MGAT4C: variants seen among roughly 807,000 people sequenced by gnomAD.
The protein encoded by MGAT4C is alpha-1,3-mannosyl-glycoprotein 4-beta-N-acetylglucosaminyltransferase C.
Under a neutral mutation model 40.1 loss-of-function variants are expected in MGAT4C, and 19 were observed. The observed-to-expected ratio is 0.47, with a 90% CI of 0.33 to 0.70. MGAT4C has a LOEUF of 0.70. Ranked by LOEUF, MGAT4C falls within the 30% of genes least tolerant of loss-of-function variation. The pLI is 0.02. For synonymous variants in MGAT4C, 181 were observed against 187.1 expected (o/e 0.97, Z 0.27); for missense variants, 491 against 563.2 (o/e 0.87, Z 1.30).
intron 4 of MGAT4C, among the ~76,000 whole-genome samples, chr12:86,267,948 T>C (rs61950665): frequency 0.079 from 12,051 of 152,126 alleles, 675 homozygotes; most frequent in Middle Eastern, 0.21. Flanking sequence ...ATAGTGGCAG[T>C]AGGACAGAAA....
At chr12:86,220,535 C>T (rs1480627522) in intron 1 of MGAT4C, among the ~76,000 whole-genome samples, 2 of 152,158 alleles carry the variant, frequency 1.3e-5, no homozygotes, top group African/African-American at 4.8e-5. Context: ...AGCCTTCAAC[C>T]ATGCAATGAT....
At chr12:86,247,495 C>T (rs1027895110) in intron 1 of MGAT4C, among the ~76,000 whole-genome samples, 1 of 152,122 alleles carries the variant, frequency 6.6e-6, no homozygotes, top group African/African-American at 2.4e-5. Flanking sequence ...ACAATTTAAT[C>T]AACCAAGAAA....
chr12:86,738,153 C>T (rs951754878), intron 1 of MGAT4C, among the ~76,000 whole-genome samples: 2 of 151,474 alleles, frequency 1.3e-5, no homozygotes, highest in Non-Finnish European at 3.0e-5. Flanking sequence ...TTGCCTACTC[C>T]GCCTTTATAA....
Position 85,977,231 on chromosome 12 carries a change from T to C in MGAT4C, c.*2058A>G, listed in dbSNP as rs1884058871. 6.6e-6 allele frequency: 1 copy of C among 151,406 alleles called. No individual in the cohort carries two copies. The highest frequency in any genetic ancestry group is 2.1e-4 in the South Asian group (1 of 4,830). The allele number at this position is 151,406 out of a possible 1,614,324, so 9.4% of individuals were successfully genotyped here. On this transcript the variant is annotated 3_prime_UTR_variant, in exon 5 of 5. Coordinates refer to ENST00000611864, the MANE Select transcript of MGAT4C (RefSeq NM_001351288.2). Reference sequence around the variant, plus strand: ...AGAATATGTAAGGGGTTACAACTCATTTCAGGGAGTCTGCCTAGCTCTTGA... The same window carrying C: ...AGAATATGTAAGGGGTTACAACTCACTTCAGGGAGTCTGCCTAGCTCTTGA...
At chr12:86,556,264 A>C (rs1361368554) in intron 2 of MGAT4C, among the ~76,000 whole-genome samples, 2 of 152,208 alleles carry the variant, frequency 1.3e-5, no homozygotes, top group Non-Finnish European at 2.9e-5. Flanking sequence ...GGAAGGTATG[A>C]TATAGAACTG....
chr12:86,242,674 G>C lies in MGAT4C; in HGVS notation c.-57+13565C>G, dbSNP rs1951839791. Among the ~76,000 whole-genome samples the C allele has an allele frequency of 3.3e-5, 5 of 152,122 alleles. No homozygotes were observed. In the South Asian group the frequency reaches 1.0e-3, roughly 32 times the overall value. ...TAGGGTCTTTAAAGGCAAATAGAAA[G>C]AATAAAAGAGAGGGAAAAATGGAGG... On this transcript the variant is annotated intron_variant, in intron 1 of 4. Transcript: ENST00000611864.
chr12:86,363,692 T>C (rs570627442), intron 3 of MGAT4C, among the ~76,000 whole-genome samples: 3 of 152,170 alleles, frequency 2.0e-5, no homozygotes, highest in South Asian at 4.1e-4. Context: ...AAAAGTTTGA[T>C]AATTTGATAA....
chr12:86,672,241 A>G (rs1387755941), intron 2 of MGAT4C, among the ~76,000 whole-genome samples: 1 of 152,126 alleles, frequency 6.6e-6, no homozygotes, highest in African/African-American at 2.4e-5. Context: ...AACAAATGAT[A>G]ATGGAAACAC....
chr12:86,012,778 A>AACAACAACAACAACAACC (rs1308194133), intron 2 of MGAT4C, among the ~76,000 whole-genome samples: 152 of 136,338 alleles, frequency 1.1e-3, no homozygotes, highest in African/African-American at 3.6e-4. Context: ...CAACAACAAC[A>AACAACAACAACAACAACC]ACCACCACCA....
At chr12:86,690,648 C>T (rs958788924) in intron 2 of MGAT4C, among the ~76,000 whole-genome samples, 4 of 152,086 alleles carry the variant, frequency 2.6e-5, no homozygotes, top group African/African-American at 9.7e-5. Context: ...TGCAGAAGTC[C>T]CAGTGAGATG....
chr12:86,667,521 G>C (rs1211664118), intron 2 of MGAT4C, among the ~76,000 whole-genome samples: 1 of 152,110 alleles, frequency 6.6e-6, no homozygotes, highest in Non-Finnish European at 1.5e-5. Flanking sequence ...TGTGTAAATA[G>C]CATCAGTTTC....
At chr12:86,765,661 G>T (rs189779472) in intron 1 of MGAT4C, among the ~76,000 whole-genome samples, 7 of 152,278 alleles carry the variant, frequency 4.6e-5, no homozygotes, top group Admixed American at 1.3e-4. Flanking sequence ...GACTAACAGC[G>T]GATCTCTCGG....
intron 2 of MGAT4C, among the ~76,000 whole-genome samples, chr12:86,721,420 C>T (rs1449496588): frequency 6.6e-6 from 1 of 151,322 alleles, no homozygotes; most frequent in East Asian, 1.9e-4. Context: ...TAGAAATGCA[C>T]CATAAGAAAA....
Position 86,575,471 on chromosome 12 carries a change from T to A in MGAT4C, c.-228-140206A>T, listed in dbSNP as rs376692573. On this transcript the variant is annotated intron_variant, in intron 2 of 7. Transcript: ENST00000548651. ...AATAAATGAGAACATGTGATATTTG[T>A]CATTCTGTGCCTGGCTTATTGCAAC... Among the ~76,000 whole-genome samples the A allele has an allele frequency of 1.9e-4, 29 of 152,052 alleles. 1 individual carries two copies. Among genetic ancestry groups the A allele is most frequent in the African/African-American group, 6.5e-4 (27 of 41,542 alleles).
At chr12:86,523,260 G>A (rs1189762766) in intron 2 of MGAT4C, among the ~76,000 whole-genome samples, 3 of 151,986 alleles carry the variant, frequency 2.0e-5, no homozygotes, top group Admixed American at 1.3e-4. Flanking sequence ...TACTGCCTTT[G>A]CTGTTTCTCA....
intron 4 of MGAT4C, among the ~76,000 whole-genome samples, chr12:86,287,501 C>T (rs1472473896): frequency 2.6e-5 from 4 of 152,196 alleles, no homozygotes; most frequent in African/African-American, 4.8e-5. Context: ...GCTATCCCTC[C>T]GTTAGCCCCT....
chr12:86,510,247 A>C (rs901631967), intron 2 of MGAT4C, among the ~76,000 whole-genome samples: 2 of 152,060 alleles, frequency 1.3e-5, no homozygotes. Context: ...TCAATACCTA[A>C]TTTATTGAGA....
At position 86,214,405 on chromosome 12, in the gene MGAT4C, C is replaced by T. The variant is rs183177042; in HGVS notation, c.-57+41834G>A. ...GATTTTTACCTATAGACTATAAATACCTCTTGAAGGTTTTATGAGAATAGA... is the reference window on the plus strand; with the variant it reads ...GATTTTTACCTATAGACTATAAATATCTCTTGAAGGTTTTATGAGAATAGA... On this transcript the variant is annotated intron_variant, in intron 1 of 4. Coordinates refer to ENST00000611864, the MANE Select transcript of MGAT4C (RefSeq NM_001351288.2). Among the ~76,000 whole-genome samples the T allele has an allele frequency of 1.4e-3, 219 of 152,274 alleles. 1 individual carries two copies. The highest frequency in any genetic ancestry group is 5.0e-3 in the African/African-American group (207 of 41,542).
chr12:86,486,524 T>G (rs1958022658), intron 2 of MGAT4C, among the ~76,000 whole-genome samples: 1 of 151,874 alleles, frequency 6.6e-6, no homozygotes, highest in South Asian at 2.1e-4. Context: ...ATAAGAAGAC[T>G]TAACTATCCT....
Sources: allele counts gnomAD v4.1 joint callset (sites outside exome capture counted in the v4.1 genomes callset), GRCh38; gene constraint gnomAD v4.1.1; transcripts MANE v1.5; gene names NCBI Gene and HGNC (gene_info 2026-07-23, HGNC 2026-07-21).